NME8: variants seen among roughly 807,000 people sequenced by gnomAD.
NME8 encodes the protein NME/NM23 family member 8.
NME8 carries 72 observed loss-of-function variants against 82.3 expected under a neutral mutation model. The ratio of observed to expected loss-of-function variants is 0.87; its 90% CI spans 0.72 to 1.06. The LOEUF is 1.06. Ranked by LOEUF, NME8 falls within the 50% of genes least tolerant of loss-of-function variation. The pLI, the probability that NME8 is intolerant of heterozygous loss-of-function variation, is 0.00. For synonymous variants in NME8, 267 were observed against 228.5 expected (o/e 1.17, Z -1.52); for missense variants, 712 against 685.4 (o/e 1.04, Z -0.43).
At chr7:37,857,208 C>A in intron 5 of NME8, 66 bp from the exon 6 acceptor site, 1 of 1,193,972 alleles carries the variant, frequency 8.4e-7, no homozygotes, top group Non-Finnish European at 1.2e-6. Flanking sequence ...ATTGTTTCAA[C>A]ATAGTGTATC....
At chr7:37,888,772 A>G (rs1248235738) in intron 15 of NME8, among the ~76,000 whole-genome samples, 1 of 152,094 alleles carries the variant, frequency 6.6e-6, no homozygotes, top group East Asian at 1.9e-4. Flanking sequence ...TCAAATATTG[A>G]ATTATATCCT....
At chr7:37,856,527 T>A (rs931263194) in intron 5 of NME8, among the ~76,000 whole-genome samples, 1 of 152,108 alleles carries the variant, frequency 6.6e-6, no homozygotes, top group Non-Finnish European at 1.5e-5. Flanking sequence ...AGACACCAAC[T>A]CTTACAGAAG....
At chr7:37,855,782 A>G (rs971514511) in intron 5 of NME8, among the ~76,000 whole-genome samples, 6 of 152,034 alleles carry the variant, frequency 3.9e-5, no homozygotes, top group African/African-American at 1.2e-4. Flanking sequence ...TTTTTTGGGA[A>G]TCATATTAGA....
chr7:37,863,504 C>T (rs370216079), intron 8 of NME8, 42 bp downstream of exon 8: 20 of 1,128,102 alleles, frequency 1.8e-5, no homozygotes, highest in Admixed American at 6.7e-5. Context: ...GTTTTCTGTA[C>T]GTGGGCGGTC....
At chr7:37,868,308 C>T (rs1784721519) in intron 11 of NME8, among the ~76,000 whole-genome samples, 1 of 152,140 alleles carries the variant, frequency 6.6e-6, no homozygotes. Context: ...ATTAGCCACA[C>T]AGGTCATGAT....
At chr7:37,872,754 A>G (rs985263208) in intron 11 of NME8, among the ~76,000 whole-genome samples, 2 of 134,518 alleles carry the variant, frequency 1.5e-5, no homozygotes, top group Non-Finnish European at 3.3e-5. Flanking sequence ...AACTCTGCAC[A>G]GAGAAAGAAC....
At chr7:37,875,431 C>T (rs1342967722) in intron 11 of NME8, among the ~76,000 whole-genome samples, 1 of 151,200 alleles carries the variant, frequency 6.6e-6, no homozygotes, top group Non-Finnish European at 1.5e-5. Context: ...CACACAGCCC[C>T]CCATAGCCCC....
In NME8 at chr7:37,860,901, C is replaced by T. The variant is rs139715606; in HGVS notation, c.271-1127C>T. ...TTTCAAGTGAGAAACAGAAGAGTCA[C>T]CTTGTGACATCTCTTTACATCACAT... On this transcript the variant is annotated intron_variant, in intron 6 of 17. Transcript: ENST00000199447. Among the ~76,000 whole-genome samples, 408 of 152,312 alleles carry T rather than the reference C, an allele frequency of 2.7e-3. 2 individuals carry two copies. Among genetic ancestry groups the T allele is most frequent in the African/African-American group, 9.5e-3 (396 of 41,568 alleles).
Position 37,867,761 on chromosome 7 carries a change from A to G in NME8, c.681A>G (p.Val227=). The part of the protein sequence containing the change: ...MTSGLSYILV[V]SQGSKHNPPS... ...GTGGCTTAAGCTATATTCTAGTTGT[A>G]TCTCAAGGAAGTAAACACAATCCTC... The change falls in exon 11 of 18, where the codon GTA becomes GTG. Residue 227 remains valine (V), a synonymous_variant. Coordinates refer to ENST00000199447, the MANE Select transcript of NME8 (RefSeq NM_016616.5). 1.2e-6 allele frequency: 2 copies of G among 1,613,788 alleles called. No homozygotes were observed. The highest frequency in any genetic ancestry group is 1.7e-6 in the Non-Finnish European group (2 of 1,179,746).
rs1785032714 is a variant in NME8 at position 37,885,886 on chromosome 7, T to A, written c.1247+634T>A. Among the ~76,000 whole-genome samples the A allele has an allele frequency of 1.3e-5, 2 of 152,198 alleles. 1 individual carries two copies. The highest frequency in any genetic ancestry group is 4.1e-4 in the South Asian group (2 of 4,826). On this transcript the variant is annotated intron_variant, in intron 14 of 17. Coordinates refer to ENST00000199447, the MANE Select transcript of NME8 (RefSeq NM_016616.5). ...ATTGAATTTCAATTCCCTTGAATTC[T>A]TCTTGCTGATTTTAGGGTAGGATTC...
intron 12 of NME8, among the ~76,000 whole-genome samples, chr7:37,882,657 GAGAA>G (rs1257110397): frequency 2.9e-4 from 42 of 146,412 alleles, no homozygotes; most frequent in African/African-American, 4.4e-4. Flanking sequence ...AAGAAAGAAA[GAGAA>G]AGAAAGAAAG....
intron 15 of NME8, among the ~76,000 whole-genome samples, chr7:37,892,409 T>C (rs924061839): frequency 3.3e-5 from 5 of 151,768 alleles, no homozygotes; most frequent in African/African-American, 1.2e-4. Context: ...AGTATTTAGA[T>C]TGACTTACTC....
In NME8 at chr7:37,864,223, A is replaced by G. The variant is rs1203689894; in HGVS notation, c.455-125A>G. On this transcript the variant is annotated intron_variant, in intron 8 of 17. Transcript: ENST00000199447. The stretch of plus-strand genomic sequence containing the variant: ...TAGTTGAAATGCCGTAGTAAGATAC[A>G]CAGCTATCAATGGGCAACAATTAAC... The G allele has an allele frequency of 3.4e-6, 4 of 1,188,868 alleles. No homozygotes were observed. In the African/African-American group the frequency reaches 4.6e-5, roughly 14 times the overall value. 73.6% of individuals were successfully genotyped at this position (1,188,868 alleles called of 1,614,324 possible).
chr7:37,881,948 A>T (rs1784952690), intron 12 of NME8, among the ~76,000 whole-genome samples: 1 of 152,244 alleles, frequency 6.6e-6, no homozygotes, highest in Non-Finnish European at 1.5e-5. Context: ...TTGTGAGCAC[A>T]AAGTTGTATT....
chr7:37,883,379 C>T (rs1784993720), intron 12 of NME8, among the ~76,000 whole-genome samples: 1 of 152,060 alleles, frequency 6.6e-6, no homozygotes, highest in African/African-American at 2.4e-5. Flanking sequence ...CCTGTGTTTT[C>T]CTTTCTTTTC....
intron 6 of NME8, among the ~76,000 whole-genome samples, chr7:37,859,492 C>T (rs1385738275): frequency 6.6e-6 from 1 of 152,194 alleles, no homozygotes; most frequent in Non-Finnish European, 1.5e-5. Flanking sequence ...GACACTCTCT[C>T]CACAGCCCAG....
At position 37,885,888 on chromosome 7, in the gene NME8, C is replaced by T. The variant is rs572867544; in HGVS notation, c.1247+636C>T. ...TGAATTTCAATTCCCTTGAATTCTT[C>T]TTGCTGATTTTAGGGTAGGATTCAA... On this transcript the variant is annotated intron_variant, in intron 14 of 17. Coordinates refer to ENST00000199447, the MANE Select transcript of NME8 (RefSeq NM_016616.5). Among the ~76,000 whole-genome samples, 3 of 152,240 alleles carry T rather than the reference C, an allele frequency of 2.0e-5. No individual in the cohort carries two copies. The East Asian group carries it at 5.8e-4, about 29-fold the overall frequency.
chr7:37,878,273 G>C (rs1324105986), intron 12 of NME8, among the ~76,000 whole-genome samples: 1 of 152,118 alleles, frequency 6.6e-6, no homozygotes, highest in African/African-American at 2.4e-5. Flanking sequence ...TATTGATGTT[G>C]AAACAGCCTT....
intron 15 of NME8, among the ~76,000 whole-genome samples, chr7:37,891,806 T>A (rs1174683585): frequency 6.6e-6 from 1 of 151,998 alleles, no homozygotes; most frequent in Non-Finnish European, 1.5e-5. Flanking sequence ...AAAGTTGGGA[T>A]GGATAGGCTT....
Sources: allele counts gnomAD v4.1 joint callset (sites outside exome capture counted in the v4.1 genomes callset), GRCh38; gene constraint gnomAD v4.1.1; transcripts MANE v1.5; gene names NCBI Gene and HGNC (gene_info 2026-07-23, HGNC 2026-07-21).